The following PCARE variants were observed in gnomAD, a reference collection of about 807,000 sequenced individuals.
The protein encoded by PCARE is uncharacterized protein C2orf71.
PCARE carries 72 observed loss-of-function variants against 82.2 expected under a neutral mutation model. The ratio of observed to expected loss-of-function variants is 0.88; its 90% CI spans 0.72 to 1.07. The LOEUF is 1.07. Ranked by LOEUF, PCARE falls within the 50% of genes least tolerant of loss-of-function variation. The pLI, the probability that PCARE is intolerant of heterozygous loss-of-function variation, is 0.00. For synonymous variants in PCARE, 705 were observed against 634.8 expected (o/e 1.11, Z -1.66); for missense variants, 1,768 against 1,592.4 (o/e 1.11, Z -1.88).
Position 29,073,088 on chromosome 2 carries a change from G to C in PCARE, c.1174C>G (p.Gln392Glu). ...CTTTGCTGCCAGGTGTGTCCTGACT[G>C]CCTGGCCTCTGTGTGGGGTGAAGTC... Reference protein sequence around the residue: ...SVTSPHTEARQSGHTWQQSPF... With the variant: ...SVTSPHTEARESGHTWQQSPF... The change falls in exon 1 of 2, where the codon CAG becomes GAG. Residue 392 changes from glutamine to glutamate, a missense_variant. By Grantham distance (29) the Gln-to-Glu change is conservative. Coordinates refer to ENST00000331664, the MANE Select transcript of PCARE (RefSeq NM_001029883.3). 2 of 1,614,138 alleles carry C rather than the reference G, an allele frequency of 1.2e-6. No individual in the cohort carries two copies. The highest frequency in any genetic ancestry group is 8.5e-7 in the Non-Finnish European group (1 of 1,180,024).
chr2:29,069,755 A>G (rs1462288622), intron 1 of PCARE, among the ~76,000 whole-genome samples: 1 of 152,222 alleles, frequency 6.6e-6, no homozygotes, highest in Non-Finnish European at 1.5e-5. Flanking sequence ...GTGTTAACGT[A>G]TTTTTTAAAA....
Position 29,064,636 on chromosome 2 carries a change from G to T in PCARE, c.*233C>A. The T allele has an allele frequency of 1.7e-6, 1 of 602,774 alleles. No individual in the cohort carries two copies. The highest frequency in any genetic ancestry group is 3.0e-6 in the Non-Finnish European group (1 of 338,580). 37.3% of individuals were successfully genotyped at this position (602,774 alleles called of 1,614,324 possible). A position where few individuals can be genotyped will look rare whatever the true frequency, so the allele number is the denominator to read the frequency against. On this transcript the variant is annotated 3_prime_UTR_variant, in exon 2 of 2. Coordinates refer to ENST00000331664, the MANE Select transcript of PCARE (RefSeq NM_001029883.3). The stretch of plus-strand genomic sequence containing the variant: ...TGAAGCATTAAATACTGTCATTGTG[G>T]GGTCTAAAAGTTCTGGTTAACCTTT...
rs1470924935 is a variant in PCARE, at chr2:29,064,216, T to C, written c.*653A>G. ...ATGCACTTCTAAACAAAGCTCTCAA[T>C]AGGGACTTTGTCAATGCTGTGCCGC... is the stretch of plus-strand genomic sequence containing the variant. On this transcript the variant is annotated 3_prime_UTR_variant, in exon 2 of 2. Coordinates refer to ENST00000331664, the MANE Select transcript of PCARE (RefSeq NM_001029883.3). 6.5e-6 allele frequency: 1 copy of C among 154,108 alleles called. No individual in the cohort carries two copies. The highest frequency in any genetic ancestry group is 6.4e-5 in the Admixed American group (1 of 15,574). The allele number at this position is 154,108 out of a possible 1,614,324, so 9.5% of individuals were successfully genotyped here.
At position 29,071,455 on chromosome 2, in the gene PCARE, A is replaced by C. The variant is rs199554775; in HGVS notation, c.2807T>G (p.Val936Gly). 1 of 1,612,360 alleles carries C rather than the reference A, an allele frequency of 6.2e-7. No homozygotes were observed. The highest frequency in any genetic ancestry group is 2.2e-5 in the East Asian group (1 of 44,836). Reference protein sequence around the residue: ...SPPATSQSPEVKGGTWSQAEK... With the variant: ...SPPATSQSPEGKGGTWSQAEK... The stretch of plus-strand genomic sequence containing the variant: ...TGCCTGACTCCAAGTCCCACCCTTC[A>C]CCTCGGGGCTTTGGCTGGTGGCTGG... Residue 936 changes from valine (V) to glycine (G), a missense_variant, in exon 1 of 2, where the codon GTG becomes GGG. Transcript: ENST00000331664.
chr2:29,066,152 A>G (rs1336750651), intron 1 of PCARE, among the ~76,000 whole-genome samples: 2 of 152,208 alleles, frequency 1.3e-5, no homozygotes, highest in Admixed American at 1.3e-4. Context: ...CTGTCTTAAA[A>G]TAAAAATAAA....
In PCARE at chr2:29,071,865, C is replaced by T; in HGVS notation, c.2397G>A (p.Lys799=). The stretch of plus-strand genomic sequence containing the variant: ...GAGGGGGAAAGATAGGTGCTAAGGG[C>T]TTCCAGCCTATGCCCATTTTGAGAG... ...RESLKMGIGW[K]PLAPIFPPLP... Residue 799 remains lysine (K), a synonymous_variant, in exon 1 of 2, where the codon AAG becomes AAA. Transcript: ENST00000331664. 6.2e-7 allele frequency: 1 copy of T among 1,614,250 alleles called. No individual in the cohort carries two copies. The highest frequency in any genetic ancestry group is 8.5e-7 in the Non-Finnish European group (1 of 1,180,046).
Position 29,072,374 on chromosome 2 carries a change from CCAGGG to C in PCARE, c.1883_1887del (p.Ala628GlyfsTer50), listed in dbSNP as rs1667506537. Reference sequence around the variant, plus strand: ...TGGCTCTGCCCCTGCCCTTTGGCACCCAGGGCATAAAATGCCTCCAGCTTCTGACT... The same window carrying C: ...TGGCTCTGCCCCTGCCCTTTGGCACCCATAAAATGCCTCCAGCTTCTGACT... On this transcript the variant is annotated frameshift_variant, in exon 1 of 2. Coordinates refer to ENST00000331664, the MANE Select transcript of PCARE (RefSeq NM_001029883.3). LOFTEE classifies it high-confidence loss of function. 1 of 1,614,014 alleles carries C rather than the reference CCAGGG, an allele frequency of 6.2e-7. No individual in the cohort carries two copies. The highest frequency in any genetic ancestry group is 1.7e-5 in the Admixed American group (1 of 60,010).
rs896848669 is a variant in PCARE, at chr2:29,073,950, G to A, written c.312C>T (p.Asn104=). The A allele has an allele frequency of 2.5e-6, 4 of 1,614,214 alleles. No individual in the cohort carries two copies. The highest frequency in any genetic ancestry group is 3.4e-6 in the Non-Finnish European group (4 of 1,180,034). ...CCTTAGCCATGTGGCTTTGTGATTTGTTCAGCTGGGATGAAGAGGTTTTGG... is the reference window on the plus strand; with the variant it reads ...CCTTAGCCATGTGGCTTTGTGATTTATTCAGCTGGGATGAAGAGGTTTTGG... ...PGTKTSSSQL[N]KSQSHMAKDI... is the part of the protein sequence containing the mutation. The change falls in exon 1 of 2, where the codon AAC becomes AAT. Residue 104 remains asparagine (N), a synonymous_variant. Coordinates refer to ENST00000331664, the MANE Select transcript of PCARE (RefSeq NM_001029883.3).
Position 29,070,945 on chromosome 2 carries a change from T to G in PCARE, c.3317A>C (p.Glu1106Ala). 1 of 1,613,082 alleles carries G rather than the reference T, an allele frequency of 6.2e-7. No homozygotes were observed. ...SQEHKETRDS[E>A]DSQAVIAKVS... ...TTTGGCTATGACTGCTTGGCTGTCT[T>G]CAGAGTCTCTTGTTTCCTTGTGCTC... The change falls in exon 1 of 2, where the codon GAA (glutamate) becomes GCA (alanine). Residue 1106 changes from glutamate to alanine, a missense_variant. Transcript: ENST00000331664.
At position 29,062,685 on chromosome 2, in the gene PCARE, A is replaced by G. The variant is rs923924034; in HGVS notation, c.*2184T>C. 4 of 152,176 alleles carry G rather than the reference A, an allele frequency of 2.6e-5. No homozygotes were observed. The highest frequency in any genetic ancestry group is 4.4e-5 in the Non-Finnish European group (3 of 68,026). The allele number at this position is 152,176 out of a possible 1,614,324, so 9.4% of individuals were successfully genotyped here. A position where few individuals can be genotyped will look rare whatever the true frequency, so the allele number is the denominator to read the frequency against. ...CGGCCACCCTTTCCACTTTCTACCC[A>G]GCCCTGGACTTTTAAGATGAGGCCC... On this transcript the variant is annotated 3_prime_UTR_variant, in exon 2 of 2. Transcript: ENST00000331664.
chr2:29,070,838 G>T lies in PCARE; in HGVS notation c.3424C>A (p.Pro1142Thr). The T allele has an allele frequency of 6.2e-7, 1 of 1,614,142 alleles. No individual in the cohort carries two copies. The highest frequency in any genetic ancestry group is 2.2e-5 in the East Asian group (1 of 44,882). ...GGCGGCAGCGATGGTGGGGTCAGTG[G>T]GTGGGCTGTTGAGAGTGGCGGTTTA... ...EAKPPLSTAHPLTPPSLPPEA... is the reference protein window; with the variant it reads ...EAKPPLSTAHTLTPPSLPPEA... The change falls in exon 1 of 2, where the codon CCA (proline) becomes ACA (threonine). Residue 1142 changes from proline (P) to threonine (T), a missense_variant. Coordinates refer to ENST00000331664, the MANE Select transcript of PCARE (RefSeq NM_001029883.3).
At position 29,061,780 on chromosome 2, in the gene PCARE, G is replaced by A. The variant is rs1474235762; in HGVS notation, c.*3089C>T. ...CTCCCTTCCCCCTTGGGCAAAGGAA[G>A]TGGATTTGGCCCAGCAAGGATACCA... On this transcript the variant is annotated 3_prime_UTR_variant, in exon 2 of 2. Coordinates refer to ENST00000331664, the MANE Select transcript of PCARE (RefSeq NM_001029883.3). The A allele has an allele frequency of 1.3e-5, 2 of 152,238 alleles. No homozygotes were observed. Among genetic ancestry groups the A allele is most frequent in the African/African-American group, 4.8e-5 (2 of 41,460 alleles). The allele number at this position is 152,238 out of a possible 1,614,324, so 9.4% of individuals were successfully genotyped here.
Position 29,071,340 on chromosome 2 carries a change from C to CCAG in PCARE, c.2921_2922insCTG (p.Glu974delinsAspTrp). 6.2e-7 allele frequency: 1 copy of CCAG among 1,613,650 alleles called. No homozygotes were observed. The highest frequency in any genetic ancestry group is 8.5e-7 in the Non-Finnish European group (1 of 1,179,928). The stretch of plus-strand genomic sequence containing the variant: ...TCTGCCTTGGTCTGGCCAGGCTGGA[C>CCAG]TCTGAGGTCCTGTTTTGTCCAGATG... On this transcript the variant is annotated protein_altering_variant, in exon 1 of 2. Transcript: ENST00000331664.
intron 1 of PCARE, among the ~76,000 whole-genome samples, chr2:29,069,160 G>GA (rs969899648): frequency 1.3e-5 from 2 of 152,084 alleles, no homozygotes; most frequent in East Asian, 1.9e-4. Context: ...AAAAAGGTTT[G>GA]AAAAAATGTA....
Position 29,073,439 on chromosome 2 carries a change from CTG to C in PCARE, c.821_822del (p.Thr274SerfsTer36), listed in dbSNP as rs746701896. ...CCATTGAGCACCTGCAGCTTGCTGA[CTG>C]TGTACTGTAGCAGCTGTTGCAGGAG... ...PNLLQQLLQYTVSKLQVLNGT... is the reference protein window; with the variant it reads ...PNLLQQLLQYXVSKLQVLNGT... On this transcript the variant is annotated frameshift_variant, in exon 1 of 2. Transcript: ENST00000331664. LOFTEE classifies it high-confidence loss of function. 2 of 1,614,050 alleles carry C rather than the reference CTG, an allele frequency of 1.2e-6. No homozygotes were observed. Among genetic ancestry groups the C allele is most frequent in the Non-Finnish European group, 1.7e-6 (2 of 1,180,038 alleles).
rs1667536241 is a variant in PCARE at position 29,073,688 on chromosome 2, G to A, written c.574C>T (p.His192Tyr). 1 of 1,614,242 alleles carries A rather than the reference G, an allele frequency of 6.2e-7. No homozygotes were observed. Among genetic ancestry groups the A allele is most frequent in the Non-Finnish European group, 8.5e-7 (1 of 1,180,044 alleles). Reference sequence around the variant, plus strand: ...GCTTCATATTTGGAGAGGCTGGAGTGTAGATAGGTGTAAGCCTGCTGGTGG... The same window carrying A: ...GCTTCATATTTGGAGAGGCTGGAGTATAGATAGGTGTAAGCCTGCTGGTGG... Reference protein sequence around the residue: ...KAHQQAYTYLHSSLSKYEAIL... With the variant: ...KAHQQAYTYLYSSLSKYEAIL... The change falls in exon 1 of 2, where the codon CAC becomes TAC. Residue 192 changes from histidine to tyrosine, a missense_variant. Transcript: ENST00000331664.
chr2:29,062,358 A>C lies in PCARE; in HGVS notation c.*2511T>G, dbSNP rs903066819. 1 of 152,306 alleles carries C rather than the reference A, an allele frequency of 6.6e-6. No individual in the cohort carries two copies. The highest frequency in any genetic ancestry group is 2.4e-5 in the African/African-American group (1 of 41,460). 9.4% of individuals were successfully genotyped at this position (152,306 alleles called of 1,614,324 possible). A position where few individuals can be genotyped will look rare whatever the true frequency, so the allele number is the denominator to read the frequency against. Reference sequence around the variant, plus strand: ...CCCCAAGCAAACGTGGAGGTCCTCCAGAGGGACAAGGAGGCATCATGGGCA... The same window carrying C: ...CCCCAAGCAAACGTGGAGGTCCTCCCGAGGGACAAGGAGGCATCATGGGCA... On this transcript the variant is annotated 3_prime_UTR_variant, in exon 2 of 2. Transcript: ENST00000331664.
chr2:29,072,915 C>A lies in PCARE; in HGVS notation c.1347G>T (p.Lys449Asn), dbSNP rs1308052110. The A allele has an allele frequency of 6.2e-7, 1 of 1,614,022 alleles. No homozygotes were observed. Among genetic ancestry groups the A allele is most frequent in the Non-Finnish European group, 8.5e-7 (1 of 1,180,042 alleles). Residue 449 changes from lysine (K) to asparagine (N), a missense_variant, in exon 1 of 2, where the codon AAG (lysine) becomes AAT (asparagine). Lys to Asn is a moderately conservative substitution (Grantham distance 94). Transcript: ENST00000331664. ...SPENITSPPL[K>N]LGTSTPCDSF... is the part of the protein sequence containing the mutation. ...AATCACATGGGGTGCTTGTCCCCAG[C>A]TTCAAAGGTGGGGAGGTGATATTTT... is the stretch of plus-strand genomic sequence containing the variant.
intron 1 of PCARE, among the ~76,000 whole-genome samples, chr2:29,065,687 G>A (rs1178015614): frequency 1.3e-5 from 2 of 152,248 alleles, no homozygotes; most frequent in African/African-American, 4.8e-5. Flanking sequence ...CATGGAGCAA[G>A]CTTTGGCTAG....
Sources: gnomAD v4.1 joint callset for allele counts (sites outside exome capture counted in the v4.1 genomes callset) on GRCh38, gnomAD v4.1.1 for gene constraint, MANE v1.5 for transcripts, NCBI Gene and HGNC (gene_info 2026-07-23, HGNC 2026-07-21) for gene names.